Variants in ATP8B1 observed in about 807,000 individuals in gnomAD.
ATP8B1 encodes phospholipid-transporting ATPase IC.
A neutral mutation model predicts 149.9 loss-of-function variants in ATP8B1; 80 were observed. The observed-to-expected ratio is 0.53, with a 90% confidence interval of 0.45 to 0.64. The LOEUF (loss-of-function observed/expected upper bound fraction) is 0.64, where lower values mean the gene tolerates loss of function less well. Among genes scored for constraint, ATP8B1 ranks in the 30% least tolerant of loss-of-function variants. ATP8B1 has a pLI of 0.00. For missense variants in ATP8B1, 1,247 were observed against 1,552.6 expected (o/e 0.80, Z 3.31); for synonymous variants, 536 against 562.8 (o/e 0.95, Z 0.67).
In ATP8B1 at chr18:57,695,519, T is replaced by G. The variant is rs1912765198; in HGVS notation, c.712A>C (p.Lys238Gln). 6.2e-7 allele frequency: 1 copy of G among 1,610,856 alleles called. No individual in the cohort carries two copies. Among genetic ancestry groups the G allele is most frequent in the Non-Finnish European group, 8.5e-7 (1 of 1,177,310 alleles). The change falls in exon 9 of 28, where the codon AAA (lysine) becomes CAA (glutamine). Residue 238 changes from lysine to glutamine, a missense_variant. This residue lies in a region of ATP8B1 where 853 missense variants were observed against 1,035.7 expected (regional missense o/e 0.82). Transcript: ENST00000648908. ...GTGATTTCAAGTGACATCTTAAATT[T>G]TAAATTGGTTTCTCTAAAGGAATGG... Reference protein sequence around the residue: ...TAELDGETNLKFKMSLEITDQ... With the variant: ...TAELDGETNLQFKMSLEITDQ...
At chr18:57,767,054 G>A (rs1486427269) in intron 1 of ATP8B1, among the ~76,000 whole-genome samples, 1 of 152,136 alleles carries the variant, frequency 6.6e-6, no homozygotes, top group Non-Finnish European at 1.5e-5. Context: ...GAGTGATGGG[G>A]AAAGTAATGA....
At chr18:57,751,842 C>G (rs2080023396) in intron 1 of ATP8B1, among the ~76,000 whole-genome samples, 1 of 152,132 alleles carries the variant, frequency 6.6e-6, no homozygotes, top group Non-Finnish European at 1.5e-5. Flanking sequence ...ACTTTAACAA[C>G]TTACTGCCTG....
At position 57,720,138 on chromosome 18, in the gene ATP8B1, G is replaced by T. The variant is rs1398151650; in HGVS notation, c.181+11489C>A. Among the ~76,000 whole-genome samples, 9 of 150,918 alleles carry T rather than the reference G, an allele frequency of 6.0e-5. No homozygotes were observed. In the East Asian group the frequency reaches 1.6e-3, roughly 26 times the overall value. ...GACCAAAAGTAGATAAAACCACAAA[G>T]ATGGGGAAAAAACAGAACAGAAAAA... On this transcript the variant is annotated intron_variant, in intron 2 of 27. Coordinates refer to ENST00000648908, the MANE Select transcript of ATP8B1 (RefSeq NM_001374385.1).
intron 1 of ATP8B1, among the ~76,000 whole-genome samples, chr18:57,764,943 C>A (rs2080197145): frequency 6.6e-6 from 1 of 152,052 alleles, no homozygotes; most frequent in Non-Finnish European, 1.5e-5. Flanking sequence ...TGGGTATATA[C>A]CCAAAAGAAT....
At chr18:57,777,313 A>G (rs1395521522) in intron 1 of ATP8B1, among the ~76,000 whole-genome samples, 2 of 152,172 alleles carry the variant, frequency 1.3e-5, no homozygotes, top group African/African-American at 4.8e-5. Context: ...CTGGAATCCA[A>G]TGCAGGAATC....
chr18:57,650,014 A>G (rs1384062155), intron 27 of ATP8B1, among the ~76,000 whole-genome samples: 2 of 152,190 alleles, frequency 1.3e-5, no homozygotes, highest in Non-Finnish European at 2.9e-5. Context: ...TTGTAGCTCA[A>G]AGGATCCTGC....
At chr18:57,677,161 T>C (rs1179752058) in intron 15 of ATP8B1, among the ~76,000 whole-genome samples, 3 of 152,246 alleles carry the variant, frequency 2.0e-5, no homozygotes, top group Admixed American at 6.5e-5. Flanking sequence ...AGTACTTTTC[T>C]TGTAATCACT....
chr18:57,800,902 A>C (rs143993318), intron 1 of ATP8B1, among the ~76,000 whole-genome samples: 1 of 152,248 alleles, frequency 6.6e-6, no homozygotes, highest in Non-Finnish European at 1.5e-5. Flanking sequence ...CTACAGCCAG[A>C]TCTGGTAGTG....
chr18:57,679,442 A>G (rs1911812038), intron 15 of ATP8B1, among the ~76,000 whole-genome samples: 1 of 152,130 alleles, frequency 6.6e-6, no homozygotes, highest in Admixed American at 6.5e-5. Context: ...CCTTCCTAAG[A>G]AAACTCTTTA....
intron 1 of ATP8B1, among the ~76,000 whole-genome samples, chr18:57,763,653 A>G (rs1305859107): frequency 6.6e-6 from 1 of 151,734 alleles, no homozygotes; most frequent in Non-Finnish European, 1.5e-5. Flanking sequence ...TAAATTGAAG[A>G]AAGTTTGGAA....
At chr18:57,789,508 G>A (rs2080440883) in intron 1 of ATP8B1, among the ~76,000 whole-genome samples, 1 of 152,168 alleles carries the variant, frequency 6.6e-6, no homozygotes, top group Non-Finnish European at 1.5e-5. Flanking sequence ...GCACCACTTT[G>A]TTATACTACC....
At chr18:57,674,393 T>TG (rs113287354) in intron 16 of ATP8B1, among the ~76,000 whole-genome samples, 18,613 of 147,158 alleles carry the variant, frequency 0.13, 1,404 homozygotes, top group African/African-American at 0.14. Context: ...TTTCTTTTTT[T>TG]TTTTTTTTTG....
intron 16 of ATP8B1, 85 bp from the exon 17 acceptor site, chr18:57,671,665 C>A: frequency 1.1e-6 from 1 of 952,120 alleles, no homozygotes; most frequent in Non-Finnish European, 1.7e-6. Context: ...CTCTGTTGTC[C>A]AGGCTGGAGT....
chr18:57,648,262 A>G lies in ATP8B1; in HGVS notation c.*226T>C. ...CAGCCTCCTAAAGTGCTGGGATTACAGACCTGAGCCACCACGCCCGGCCGA... is the reference window on the plus strand; with the variant it reads ...CAGCCTCCTAAAGTGCTGGGATTACGGACCTGAGCCACCACGCCCGGCCGA... On this transcript the variant is annotated 3_prime_UTR_variant, in exon 28 of 28. Coordinates refer to ENST00000648908, the MANE Select transcript of ATP8B1 (RefSeq NM_001374385.1). The G allele has an allele frequency of 1.6e-6, 1 of 628,746 alleles. No individual in the cohort carries two copies. Among genetic ancestry groups the G allele is most frequent in the East Asian group, 2.8e-5 (1 of 35,154 alleles). 38.9% of individuals were successfully genotyped at this position (628,746 alleles called of 1,614,324 possible).
intron 1 of ATP8B1, among the ~76,000 whole-genome samples, chr18:57,768,625 C>A (rs2080239467): frequency 6.9e-6 from 1 of 144,104 alleles, no homozygotes; most frequent in Non-Finnish European, 1.5e-5. Flanking sequence ...AAAGCTTTCT[C>A]TATTGTGTAT....
chr18:57,696,784 C>T (rs974082524), intron 8 of ATP8B1, among the ~76,000 whole-genome samples: 6 of 152,080 alleles, frequency 3.9e-5, no homozygotes, highest in South Asian at 2.1e-4. Flanking sequence ...GTAATACAGA[C>T]GAATAATATT....
chr18:57,718,339 A>G (rs1315117549), intron 2 of ATP8B1, among the ~76,000 whole-genome samples: 1 of 152,168 alleles, frequency 6.6e-6, no homozygotes, highest in Non-Finnish European at 1.5e-5. Context: ...CAGATGAATA[A>G]CAAGTAATGA....
chr18:57,655,473 ATCAG>A, intron 22 of ATP8B1, 56 bp from the exon 23 acceptor site: 7 of 1,491,118 alleles, frequency 4.7e-6, no homozygotes, highest in Non-Finnish European at 5.6e-6. Context: ...GAGGCAAAAC[ATCAG>A]TTGATAAAAA....
intron 1 of ATP8B1, among the ~76,000 whole-genome samples, chr18:57,765,390 T>C (rs114174182): frequency 0.073 from 11,077 of 152,120 alleles, 477 homozygotes; most frequent in Non-Finnish European, 0.092. Flanking sequence ...AATGGTTGGG[T>C]CGGGTGCAGT....
Sources: allele counts gnomAD v4.1 joint callset (sites outside exome capture counted in the v4.1 genomes callset), GRCh38; gene constraint gnomAD v4.1.1; regional missense constraint gnomAD v4.1.1; transcripts MANE v1.5; gene names NCBI Gene and HGNC (gene_info 2026-07-23, HGNC 2026-07-21).